The following CENPI variants were observed in gnomAD, a reference collection of about 807,000 sequenced individuals.
The protein encoded by CENPI is centromere protein I, also known as FSH primary response 1.
In CENPI, 4 loss-of-function variants were observed where a neutral mutation model predicts 60.4. The ratio of observed to expected loss-of-function variants is 0.07; its 90% confidence interval spans 0.03 to 0.15. The LOEUF (loss-of-function observed/expected upper bound fraction) is 0.15, where lower values mean the gene tolerates loss of function less well. Among genes scored for constraint, CENPI ranks in the 10% least tolerant of loss-of-function variants. The pLI is 1.00. For synonymous variants in CENPI, 157 were observed against 189.4 expected, an observed-to-expected ratio of 0.83 and a Z score of 1.40; for missense variants, 444 against 534.5, an observed-to-expected ratio of 0.83 and a Z score of 1.67.
chrX:101,107,745 T>C (rs1420722226), intron 4 of CENPI, among the ~76,000 whole-genome samples: 1 of 109,731 alleles, frequency 9.1e-6, no homozygotes, highest in East Asian at 2.8e-4. Context: ...CTTGGCTCAC[T>C]GCAACCTCTG....
At position 101,128,760 on chromosome X, in the gene CENPI, T is replaced by C. The variant is rs2089763685; in HGVS notation, c.1119T>C (p.Leu373=). 1 of 1,206,969 alleles carries C rather than the reference T, an allele frequency of 8.3e-7. No homozygotes were observed. The highest frequency in any genetic ancestry group is 2.2e-5 in the Admixed American group (1 of 45,737). ...CAGTGCTAAACAACTCTCTGCTGCTTCACTACATTAACTGTGTCAGAGATG... is the reference window on the plus strand; with the variant it reads ...CAGTGCTAAACAACTCTCTGCTGCTCCACTACATTAACTGTGTCAGAGATG... ...MGSVLNNSLL[L]HYINCVRDEP... The change falls in exon 12 of 22, where the codon CTT becomes CTC. Residue 373 remains leucine (L), a synonymous_variant. Transcript: ENST00000682095.
At chrX:101,122,302 A>G (rs1236254712) in intron 8 of CENPI, among the ~76,000 whole-genome samples, 8 of 111,550 alleles carry the variant, frequency 7.2e-5, no homozygotes, top group African/African-American at 2.6e-4. Context: ...TGGCCTACCT[A>G]TAGGCATTTA....
At chrX:101,158,929 C>T (rs1021643274) in intron 20 of CENPI, among the ~76,000 whole-genome samples, 2 of 111,509 alleles carry the variant, frequency 1.8e-5, no homozygotes, top group Non-Finnish European at 3.8e-5. Context: ...CCATGCCTGG[C>T]CAATAGAGAT....
the CENPI span, among the ~76,000 whole-genome samples, chrX:101,173,434 A>G: frequency 2.0e-5 from 2 of 101,750 alleles, no homozygotes; most frequent in Admixed American, 2.3e-4. Context: ...TGATCCTTCC[A>G]CCTCAGCCTC....
chrX:101,112,483 A>G, intron 6 of CENPI, among the ~76,000 whole-genome samples: 1 of 112,194 alleles, frequency 8.9e-6, no homozygotes, highest in East Asian at 2.8e-4. Flanking sequence ...CAGATTCCAC[A>G]TTGCAGCTAA....
At chrX:101,157,158 A>G (rs1407008986) in intron 20 of CENPI, among the ~76,000 whole-genome samples, 1 of 111,714 alleles carries the variant, frequency 9.0e-6, no homozygotes, top group Non-Finnish European at 1.9e-5. Flanking sequence ...CATCCACGCC[A>G]ACATCTATTT....
At position 101,164,298 on chromosome X, in the gene CENPI, A is replaced by G. The variant is rs2090134549; in HGVS notation, c.*1331A>G. 9.0e-6 allele frequency among the ~76,000 whole-genome samples: 1 copy of G among 111,102 alleles called. No individual in the cohort carries two copies. The highest frequency in any genetic ancestry group is 1.9e-5 in the Non-Finnish European group (1 of 53,041). ...AGGTACTCTTCTGTGTGCTGGTTAT[A>G]CAGTTGTGACCAATACAAAGTACCC... On this transcript the variant is annotated 3_prime_UTR_variant, in exon 22 of 22. Transcript: ENST00000682095.
chrX:101,109,969 T>G lies in CENPI; in HGVS notation c.562T>G (p.Phe188Val). 1 of 1,201,095 alleles carries G rather than the reference T, an allele frequency of 8.3e-7. No individual in the cohort carries two copies. Among genetic ancestry groups the G allele is most frequent in the Non-Finnish European group, 1.1e-6 (1 of 887,191 alleles). Residue 188 changes from phenylalanine to valine, a missense_variant, in exon 6 of 22, where the codon TTT (phenylalanine) becomes GTT (valine). Transcript: ENST00000682095. ...KEQINLLYGFFFASLQDDALC... is the reference protein window; with the variant it reads ...KEQINLLYGFVFASLQDDALC... ...GCAAATTAACTTGCTCTATGGCTTC[T>G]TTTTTGCTTCATTGCAAGATGATGC...
At chrX:101,139,247 A>G (rs1054275082) in intron 15 of CENPI, among the ~76,000 whole-genome samples, 9 of 102,432 alleles carry the variant, frequency 8.8e-5, no homozygotes, top group Admixed American at 3.3e-4. Context: ...GGCACGTGCC[A>G]CCACGCCTGG....
intron 15 of CENPI, among the ~76,000 whole-genome samples, chrX:101,138,017 T>C: frequency 1.2e-5 from 1 of 85,422 alleles, no homozygotes. Flanking sequence ...GATAGAGTTT[T>C]GCTCTTGTTG....
intron 6 of CENPI, among the ~76,000 whole-genome samples, chrX:101,115,264 A>G (rs1284432168): frequency 9.5e-6 from 1 of 105,579 alleles, no homozygotes; most frequent in Non-Finnish European, 1.9e-5. Flanking sequence ...GAGCCCGGCC[A>G]TTTATTTTTT....
chrX:101,102,855 A>G (rs866959094), intron 4 of CENPI, among the ~76,000 whole-genome samples: 1 of 81,489 alleles, frequency 1.2e-5, no homozygotes, highest in East Asian at 4.0e-4. Flanking sequence ...AATTTTTTGT[A>G]TTTTTTTTTT....
intron 13 of CENPI, among the ~76,000 whole-genome samples, chrX:101,131,989 A>G (rs7056259): frequency 0.31 from 34,117 of 111,118 alleles, 4,182 homozygotes; most frequent in African/African-American, 0.45. Flanking sequence ...TATTGATAAA[A>G]ATGGTAATGT....
At chrX:101,130,196 G>A in intron 13 of CENPI, 123 bp downstream of exon 13, 1 of 443,771 alleles carries the variant, frequency 2.3e-6, no homozygotes, top group Non-Finnish European at 3.9e-6. Flanking sequence ...GCACTTTGGA[G>A]GCCAAGGCGG....
chrX:101,104,852 G>GAAA (rs58910115), intron 4 of CENPI, among the ~76,000 whole-genome samples: 2 of 89,028 alleles, frequency 2.2e-5, no homozygotes, highest in African/African-American at 8.3e-5. Flanking sequence ...CTGTCTCTGG[G>GAAA]AAAAAAAAAA....
At chrX:101,123,824 G>A (rs913911316) in intron 8 of CENPI, among the ~76,000 whole-genome samples, 8 of 111,170 alleles carry the variant, frequency 7.2e-5, no homozygotes, top group African/African-American at 2.6e-4. Flanking sequence ...TTGGGCTCAA[G>A]CAATCCTCCC....
intron 20 of CENPI, among the ~76,000 whole-genome samples, chrX:101,149,861 T>A (rs757745751): frequency 9.1e-6 from 1 of 110,243 alleles, no homozygotes; most frequent in African/African-American, 3.3e-5. Context: ...GAGACTCCGA[T>A]TTAATAACTC....
intron 18 of CENPI, 108 bp downstream of exon 18, chrX:101,146,385 GA>G: frequency 5.1e-6 from 4 of 788,641 alleles, no homozygotes; most frequent in Non-Finnish European, 7.0e-6. Flanking sequence ...AGGGCCTCTG[GA>G]AATAGGAAAT....
chrX:101,180,483 C>G, the CENPI span, among the ~76,000 whole-genome samples: 1 of 111,539 alleles, frequency 9.0e-6, no homozygotes, highest in Non-Finnish European at 1.9e-5. Context: ...TTGTCGAGTT[C>G]GAAGACATCT....
Sources: allele counts gnomAD v4.1 joint callset (sites outside exome capture counted in the v4.1 genomes callset), GRCh38; gene constraint gnomAD v4.1.1; transcripts MANE v1.5; gene names NCBI Gene and HGNC (gene_info 2026-07-23, HGNC 2026-07-21).